The following PTPRN2 variants were observed in gnomAD, a reference collection of about 807,000 sequenced individuals.
PTPRN2 encodes the protein protein tyrosine phosphatase receptor type N2.
Under a neutral mutation model 118.8 loss-of-function variants are expected in PTPRN2, and 74 were observed. That is an observed-to-expected ratio of 0.62 (90% CI 0.52 to 0.76). The LOEUF (loss-of-function observed/expected upper bound fraction) is 0.76. Among genes scored for constraint, PTPRN2 ranks in the 30% least tolerant of loss-of-function variants. PTPRN2 has a pLI of 0.00. For missense variants in PTPRN2, 1,481 were observed against 1,394.4 expected (o/e 1.06, Z -0.99); for synonymous variants, 641 against 608.0 (o/e 1.05, Z -0.80).
chr7:158,415,785 G>A (rs149482691), intron 2 of PTPRN2, among the ~76,000 whole-genome samples: 3 of 152,268 alleles, frequency 2.0e-5, no homozygotes, highest in African/African-American at 7.2e-5. Flanking sequence ...AGTTTCTTAA[G>A]GAAAAATTAA....
intron 11 of PTPRN2, among the ~76,000 whole-genome samples, chr7:158,079,572 A>T (rs1385330318): frequency 1.3e-5 from 2 of 152,242 alleles, no homozygotes; most frequent in Non-Finnish European, 2.9e-5. Flanking sequence ...CTGCAAACCT[A>T]ATTCCAGTGG....
In PTPRN2 at chr7:157,660,455, A is replaced by C. The variant is rs561407030; in HGVS notation, c.2002-3904T>G. Among the ~76,000 whole-genome samples the C allele has an allele frequency of 3.9e-5, 6 of 152,196 alleles. No individual in the cohort carries two copies. In the East Asian group the frequency reaches 1.2e-3, roughly 29 times the overall value. On this transcript the variant is annotated intron_variant, in intron 13 of 22. Coordinates refer to ENST00000389418, the MANE Select transcript of PTPRN2 (RefSeq NM_002847.5). ...TTTATTGTATTTATTTTTCTCCCAA[A>C]GTCACCAATAGCAAACAACCACAAA...
intron 11 of PTPRN2, among the ~76,000 whole-genome samples, chr7:157,989,579 C>T (rs901375690): frequency 2.4e-4 from 36 of 151,412 alleles, no homozygotes; most frequent in African/African-American, 4.6e-4. Flanking sequence ...CTTTCTGCAC[C>T]GCTCTGACCA....
intron 1 of PTPRN2, among the ~76,000 whole-genome samples, chr7:158,513,581 T>C (rs1187861228): frequency 6.6e-6 from 1 of 151,754 alleles, no homozygotes; most frequent in Non-Finnish European, 1.5e-5. Flanking sequence ...CCTTCAGTTA[T>C]TTTAGTAAAT....
intron 11 of PTPRN2, among the ~76,000 whole-genome samples, chr7:157,911,067 TTTC>T (rs1798077795): frequency 1.3e-5 from 2 of 151,752 alleles, no homozygotes; most frequent in African/African-American, 4.8e-5. Context: ...TCATCTCTCT[TTTC>T]TTCTTTGGCG....
chr7:158,233,267 T>C (rs996963938), intron 3 of PTPRN2, among the ~76,000 whole-genome samples: 18 of 152,224 alleles, frequency 1.2e-4, no homozygotes, highest in African/African-American at 4.3e-4. Context: ...AGCATTTATA[T>C]ATGCCAACAG....
At chr7:158,325,402 TATAAC>T (rs565210575) in intron 2 of PTPRN2, among the ~76,000 whole-genome samples, 29 of 152,230 alleles carry the variant, frequency 1.9e-4, no homozygotes, top group African/African-American at 6.7e-4. Flanking sequence ...TTTATGGAAA[TATAAC>T]AGGACTTGGG....
chr7:157,762,709 C>T (rs1018406172), intron 12 of PTPRN2, among the ~76,000 whole-genome samples: 32 of 150,692 alleles, frequency 2.1e-4, no homozygotes, highest in Non-Finnish European at 3.2e-4. Flanking sequence ...CTAACCTGCA[C>T]AATGTGCACA....
chr7:158,283,969 T>G (rs1799602202), intron 3 of PTPRN2, among the ~76,000 whole-genome samples: 1 of 152,148 alleles, frequency 6.6e-6, no homozygotes, highest in South Asian at 2.1e-4. Context: ...CCTAAAACAT[T>G]TCCAGGGTTC....
chr7:157,543,046 C>T (rs1378937204), intron 22 of PTPRN2, among the ~76,000 whole-genome samples: 1 of 152,210 alleles, frequency 6.6e-6, no homozygotes, highest in Non-Finnish European at 1.5e-5. Context: ...CACCTAGAAC[C>T]ATGCTCTAGA....
intron 10 of PTPRN2, among the ~76,000 whole-genome samples, chr7:158,086,950 A>C (rs528211876): frequency 9.2e-5 from 14 of 152,314 alleles, no homozygotes; most frequent in South Asian, 8.3e-4. Context: ...GGAGCTTACA[A>C]GGCTTGAGAT....
chr7:158,567,488 C>T (rs1013514067), intron 1 of PTPRN2, among the ~76,000 whole-genome samples: 3 of 152,222 alleles, frequency 2.0e-5, no homozygotes, highest in Admixed American at 6.5e-5. Flanking sequence ...TGAGACTCAG[C>T]AGGCTCTATG....
chr7:157,986,493 C>A lies in PTPRN2; in HGVS notation c.1724-87756G>T, dbSNP rs559894945. On this transcript the variant is annotated intron_variant, in intron 11 of 22. Transcript: ENST00000389418. The surrounding 1 kb of genome is among the most constrained non-coding windows in gnomAD (Gnocchi z 4.5). Reference sequence around the variant, plus strand: ...GAACTGGCTGCATCCGTCTCCATCTCCCCAAGCACAGGCCATGCCTGCCTC... The same window carrying A: ...GAACTGGCTGCATCCGTCTCCATCTACCCAAGCACAGGCCATGCCTGCCTC... Among the ~76,000 whole-genome samples, 31 of 152,198 alleles carry A rather than the reference C, an allele frequency of 2.0e-4. No homozygotes were observed. Among genetic ancestry groups the A allele is most frequent in the African/African-American group, 7.2e-4 (30 of 41,530 alleles).
chr7:157,757,893 A>G (rs1329113355), intron 12 of PTPRN2, among the ~76,000 whole-genome samples: 1 of 152,152 alleles, frequency 6.6e-6, no homozygotes, highest in Non-Finnish European at 1.5e-5. Context: ...CGCCCGAGAC[A>G]CCGCGCACAA....
At chr7:158,341,579 TAAG>T (rs1806808175) in intron 2 of PTPRN2, among the ~76,000 whole-genome samples, 1 of 52,894 alleles carries the variant, frequency 1.9e-5, no homozygotes, top group Admixed American at 2.4e-4. Context: ...ACTCTCACCA[TAAG>T]AGGTGACACC....
intron 11 of PTPRN2, among the ~76,000 whole-genome samples, chr7:158,057,381 G>A (rs760176161): frequency 7.9e-5 from 12 of 152,292 alleles, no homozygotes; most frequent in African/African-American, 1.4e-4. Flanking sequence ...GAACTTCCAC[G>A]TTACAGGCAG....
chr7:158,294,032 A>C (rs1048541676), intron 3 of PTPRN2, among the ~76,000 whole-genome samples: 2 of 152,260 alleles, frequency 1.3e-5, no homozygotes, highest in Admixed American at 6.5e-5. Context: ...GCAAATACAC[A>C]TGTACCGTGC....
rs191525661 is a variant in PTPRN2 at position 157,564,208 on chromosome 7, T to G, written c.2902+4694A>C. Among the ~76,000 whole-genome samples the G allele has an allele frequency of 2.9e-3, 439 of 152,358 alleles. 12 individuals are homozygous for G. Among genetic ancestry groups the G allele is most frequent in the East Asian group, 9.6e-4 (5 of 5,188 alleles). On this transcript the variant is annotated intron_variant, in intron 21 of 22. Coordinates refer to ENST00000389418, the MANE Select transcript of PTPRN2 (RefSeq NM_002847.5). ...GCGCAATGGTGCGATCTCAGGTCACTGCAACCTCCGCCTCCCGGGTTCAAG... is the reference window on the plus strand; with the variant it reads ...GCGCAATGGTGCGATCTCAGGTCACGGCAACCTCCGCCTCCCGGGTTCAAG...
At chr7:157,571,631 A>G (rs1799762997) in intron 19 of PTPRN2, 138 bp from the exon 20 acceptor site, 2 of 616,124 alleles carry the variant, frequency 3.2e-6, no homozygotes, top group African/African-American at 1.9e-5. Context: ...GAAAATAAAA[A>G]TCATACGCAT....
Sources: allele counts gnomAD v4.1 joint callset (sites outside exome capture counted in the v4.1 genomes callset), GRCh38; gene constraint gnomAD v4.1.1; non-coding constraint Gnocchi (gnomAD v3.1); transcripts MANE v1.5; gene names NCBI Gene and HGNC (gene_info 2026-07-23, HGNC 2026-07-21).